CFHR5: variants seen among roughly 807,000 people sequenced by gnomAD.
CFHR5 encodes complement factor H-related protein 5.
Under a neutral mutation model 62.9 loss-of-function variants are expected in CFHR5, and 73 were observed. The observed-to-expected ratio is 1.16, with a 90% CI of 0.96 to 1.41. The LOEUF is 1.41. Ranked by LOEUF, CFHR5 falls within the 40% of genes most tolerant of loss-of-function variation. The pLI, the probability that CFHR5 is intolerant of heterozygous loss-of-function variation, is 0.00. For missense variants in CFHR5, 779 were observed against 679.9 expected, an observed-to-expected ratio of 1.15 and a Z score of -1.62; for synonymous variants, 249 against 227.2, an observed-to-expected ratio of 1.10 and a Z score of -0.86.
chr1:197,002,752 A>G (rs1417949801), intron 8 of CFHR5, 88 bp downstream of exon 8: 2 of 1,107,920 alleles, frequency 1.8e-6, no homozygotes, highest in South Asian at 1.3e-5. Context: ...AGAACTTATG[A>G]CTAATCTGTT....
chr1:196,985,636 T>C (rs747454241), intron 3 of CFHR5, among the ~76,000 whole-genome samples: 20 of 152,222 alleles, frequency 1.3e-4, no homozygotes, highest in Non-Finnish European at 2.5e-4. Context: ...ACAAGCTCTC[T>C]TCATTTTGAG....
At chr1:196,984,954 G>T (rs1653642134) in intron 3 of CFHR5, among the ~76,000 whole-genome samples, 1 of 152,082 alleles carries the variant, frequency 6.6e-6, no homozygotes, top group Non-Finnish European at 1.5e-5. Flanking sequence ...AAACAGCTGG[G>T]CTTTCATTGA....
At chr1:196,991,883 C>T (rs905359227) in intron 3 of CFHR5, among the ~76,000 whole-genome samples, 1 of 152,190 alleles carries the variant, frequency 6.6e-6, no homozygotes, top group Admixed American at 6.5e-5. Context: ...GTTCTCAGAG[C>T]TCAAACACCA....
intron 3 of CFHR5, among the ~76,000 whole-genome samples, chr1:196,988,862 T>C (rs1653765330): frequency 6.6e-6 from 1 of 152,204 alleles, no homozygotes; most frequent in African/African-American, 2.4e-5. Context: ...CAGTCTTTGG[T>C]ACCAGGATGA....
chr1:196,994,510 C>T (rs1034582138), intron 4 of CFHR5, among the ~76,000 whole-genome samples: 1 of 152,016 alleles, frequency 6.6e-6, no homozygotes, highest in South Asian at 2.1e-4. Flanking sequence ...GGAATTGAGA[C>T]GTCTTAGGAT....
Position 197,002,652 on chromosome 1 carries a change from C to A in CFHR5, c.1318C>A (p.Pro440Thr). ...VCKDGRWQSL[P>T]RCVESTAYCG... ...TAAAGATGGACGATGGCAATCATTACCACGCTGTGTTGGTTAGTAGTTTAT... is the reference window on the plus strand; with the variant it reads ...TAAAGATGGACGATGGCAATCATTAACACGCTGTGTTGGTTAGTAGTTTAT... Residue 440 changes from proline (P) to threonine (T), a missense_variant, in exon 8 of 10, where the codon CCA becomes ACA. Physicochemically the swap from Pro to Thr is conservative, Grantham distance 38. Coordinates refer to ENST00000256785, the MANE Select transcript of CFHR5 (RefSeq NM_030787.4). 13 of 1,612,668 alleles carry A rather than the reference C, an allele frequency of 8.1e-6. No homozygotes were observed. Among genetic ancestry groups the A allele is most frequent in the Non-Finnish European group, 1.1e-5 (13 of 1,178,932 alleles).
rs532466807 is a variant in CFHR5, at chr1:196,998,466, A to T, written c.1147+162A>T. Among the ~76,000 whole-genome samples the T allele has an allele frequency of 3.9e-5, 6 of 152,196 alleles. No homozygotes were observed. The South Asian group carries it at 1.2e-3, about 32-fold the overall frequency. ...ATAATACTCTTTCCAGACAAATGTT[A>T]TTCTTTAAAAGCCTTGGCTTTCTGG... On this transcript the variant is annotated intron_variant, in intron 7 of 9. Transcript: ENST00000256785.
chr1:197,004,928 C>G, intron 9 of CFHR5, 85 bp downstream of exon 9: 1 of 1,038,404 alleles, frequency 9.6e-7, no homozygotes. Context: ...ATAACCCTTA[C>G]TTAAGTTTCA....
chr1:196,980,550 A>AACG (rs997489564), intron 1 of CFHR5, among the ~76,000 whole-genome samples: 2 of 151,922 alleles, frequency 1.3e-5, no homozygotes, highest in African/African-American at 4.8e-5. Flanking sequence ...CATTGACCAA[A>AACG]ACGTCATTAT....
chr1:196,975,352 T>C (rs1434730229), upstream of CFHR5, among the ~76,000 whole-genome samples: 1 of 152,222 alleles, frequency 6.6e-6, no homozygotes, highest in Admixed American at 6.5e-5. Flanking sequence ...GAACAATTTT[T>C]GAGCTTTTGT....
At chr1:196,999,827 G>GTA (rs1292914967) in intron 7 of CFHR5, among the ~76,000 whole-genome samples, 37 of 146,122 alleles carry the variant, frequency 2.5e-4, no homozygotes, top group African/African-American at 8.8e-4. Context: ...GTGTGTGTGT[G>GTA]TATATATATA....
At position 197,008,624 on chromosome 1, in the gene CFHR5, T is replaced by A. The variant is rs1654356473; in HGVS notation, c.1651T>A (p.Ser551Thr). 2 of 1,613,804 alleles carry A rather than the reference T, an allele frequency of 1.2e-6. No homozygotes were observed. Among genetic ancestry groups the A allele is most frequent in the African/African-American group, 2.7e-5 (2 of 74,918 alleles). Residue 551 changes from serine (S) to threonine (T), a missense_variant, in exon 10 of 10, where the codon TCA becomes ACA. By Grantham distance (58) the Ser-to-Thr change is moderately conservative (BLOSUM62 1). Transcript: ENST00000256785. Reference protein sequence around the residue: ...CKFPHKAMISSPPFRAICQEG... With the variant: ...CKFPHKAMISTPPFRAICQEG... ...ATTCCCACATAAAGCGATGATATCA[T>A]CACCACCATTTCGAGCAATCTGTCA...
intron 3 of CFHR5, among the ~76,000 whole-genome samples, chr1:196,993,317 C>T (rs191357393): frequency 4.8e-4 from 73 of 152,210 alleles, no homozygotes; most frequent in African/African-American, 1.7e-3. Context: ...TTTTTTGAGA[C>T]AGTGTCTCAC....
At chr1:196,975,145 A>C (rs1653365974), upstream of CFHR5, among the ~76,000 whole-genome samples, 1 of 152,296 alleles carries the variant, frequency 6.6e-6, no homozygotes, top group East Asian at 1.9e-4. Flanking sequence ...AAAGTCATGA[A>C]ATTTTTCTGA....
At position 197,005,658 on chromosome 1, in the gene CFHR5, C is replaced by T. The variant is rs139640696; in HGVS notation, c.1513+815C>T. On this transcript the variant is annotated intron_variant, in intron 9 of 9. Coordinates refer to ENST00000256785, the MANE Select transcript of CFHR5 (RefSeq NM_030787.4). ...ATAAGTGGAAGAAAACTGGAATTTC[C>T]ATAAACCCCTCTGTTTTCTGGTGTC... Among the ~76,000 whole-genome samples, 47 of 152,220 alleles carry T rather than the reference C, an allele frequency of 3.1e-4. 1 individual carries two copies. Among genetic ancestry groups the T allele is most frequent in the Non-Finnish European group, 6.0e-4 (41 of 67,992 alleles).
chr1:196,995,115 GTATAT>G (rs1004887673), intron 4 of CFHR5, among the ~76,000 whole-genome samples: 7 of 152,146 alleles, frequency 4.6e-5, no homozygotes, highest in Admixed American at 2.6e-4. Flanking sequence ...CATTGCATAT[GTATAT>G]TATATCACAT....
rs1164729053 is a variant in CFHR5 at position 196,999,722 on chromosome 1, T to TATATATAC, written c.1147+1419_1147+1420insTATATACA. Among the ~76,000 whole-genome samples the TATATATAC allele has an allele frequency of 1.2e-3, 134 of 116,106 alleles. 1 individual carries two copies. Among genetic ancestry groups the TATATATAC allele is most frequent in the African/African-American group, 4.6e-3 (131 of 28,760 alleles). 76.2% of individuals were successfully genotyped at this position (116,106 alleles called of 152,430 possible). On this transcript the variant is annotated intron_variant, in intron 7 of 9. Coordinates refer to ENST00000256785, the MANE Select transcript of CFHR5 (RefSeq NM_030787.4). ...ATATATATATATATATATATATATA[T>TATATATAC]ACACACACACACATATATATACACA...
chr1:196,975,319 C>T (rs1015480650), upstream of CFHR5, among the ~76,000 whole-genome samples: 16 of 152,140 alleles, frequency 1.1e-4, no homozygotes, highest in Non-Finnish European at 2.4e-4. Context: ...AATTAGATTA[C>T]TAGAAAGAGA....
chr1:196,978,700 C>T (rs1428367741), intron 1 of CFHR5, among the ~76,000 whole-genome samples: 1 of 152,136 alleles, frequency 6.6e-6, no homozygotes, highest in Non-Finnish European at 1.5e-5. Flanking sequence ...ACTTTTAGTA[C>T]TGAGCTATAA....
Sources: allele counts gnomAD v4.1 joint callset (sites outside exome capture counted in the v4.1 genomes callset), GRCh38; gene constraint gnomAD v4.1.1; transcripts MANE v1.5; gene names NCBI Gene and HGNC (gene_info 2026-07-23, HGNC 2026-07-21).